The following PPFIA2 variants were observed in gnomAD, a reference collection of about 807,000 sequenced individuals.
PPFIA2 encodes the protein PPFI scaffold protein A2, also known as liprin-alpha-2.
A neutral mutation model predicts 175.5 loss-of-function variants in PPFIA2; 46 were observed. The ratio of observed to expected loss-of-function variants is 0.26; its 90% CI spans 0.21 to 0.34. The LOEUF is 0.34. PPFIA2 is among the 10% of genes least tolerant of loss of function. The pLI, the probability that PPFIA2 is intolerant of heterozygous loss-of-function variation, is 1.00. For synonymous variants in PPFIA2, 568 were observed against 511.4 expected (o/e 1.11, Z -1.49); for missense variants, 1,179 against 1,506.1 (o/e 0.78, Z 3.60).
intron 4 of PPFIA2, among the ~76,000 whole-genome samples, chr12:81,461,226 G>T (rs1267895046): frequency 6.6e-6 from 1 of 151,986 alleles, no homozygotes; most frequent in Non-Finnish European, 1.5e-5. Context: ...CATTTTACAT[G>T]AATAACTCCA....
intron 4 of PPFIA2, among the ~76,000 whole-genome samples, chr12:81,460,958 T>A (rs1470392479): frequency 6.6e-6 from 1 of 152,056 alleles, no homozygotes; most frequent in African/African-American, 2.4e-5. Flanking sequence ...CGATAAGTTG[T>A]TTGTTTCCCC....
chr12:81,598,360 C>G (rs2059470255), intron 4 of PPFIA2: 7 of 1,105,550 alleles, frequency 6.3e-6, no homozygotes, highest in Non-Finnish European at 7.7e-6. Flanking sequence ...GTGGACCTGC[C>G]CATCTGTTCT....
At chr12:81,343,212 G>T (rs1412029677) in intron 19 of PPFIA2, among the ~76,000 whole-genome samples, 1 of 151,786 alleles carries the variant, frequency 6.6e-6, no homozygotes, top group East Asian at 1.9e-4. Flanking sequence ...AGATTTTTTT[G>T]GTTGTGGTCC....
At chr12:81,282,891 C>G (rs1302886107) in intron 26 of PPFIA2, 119 bp downstream of exon 26, 7 of 762,062 alleles carry the variant, frequency 9.2e-6, no homozygotes, top group Non-Finnish European at 1.3e-5. Flanking sequence ...CTATACACAT[C>G]AGCCTAATAT....
At chr12:81,730,755 T>C (rs916456581) in intron 3 of PPFIA2, among the ~76,000 whole-genome samples, 1 of 151,658 alleles carries the variant, frequency 6.6e-6, no homozygotes. Context: ...TTAGGAAATT[T>C]GTAAATAATA....
At chr12:81,605,911 T>A (rs575089244) in intron 4 of PPFIA2, among the ~76,000 whole-genome samples, 2 of 151,970 alleles carry the variant, frequency 1.3e-5, no homozygotes, top group South Asian at 4.1e-4. Context: ...ATAAGTGTAT[T>A]GCACCCAGGT....
chr12:81,341,572 G>A (rs1193090364), intron 19 of PPFIA2, among the ~76,000 whole-genome samples: 3 of 152,002 alleles, frequency 2.0e-5, no homozygotes, highest in South Asian at 2.1e-4. Context: ...ATTTATGCAC[G>A]GACCTTTTTT....
chr12:81,574,505 T>G (rs2073151744), intron 4 of PPFIA2, among the ~76,000 whole-genome samples: 1 of 151,782 alleles, frequency 6.6e-6, no homozygotes, highest in African/African-American at 2.4e-5. Flanking sequence ...TATGCCACTA[T>G]GTTCACCATC....
intron 4 of PPFIA2, among the ~76,000 whole-genome samples, chr12:81,616,979 C>T (rs1302608627): frequency 6.6e-6 from 1 of 152,130 alleles, no homozygotes; most frequent in African/African-American, 2.4e-5. Context: ...AGCATGGGCT[C>T]TAGTGTCAAA....
intron 4 of PPFIA2, among the ~76,000 whole-genome samples, chr12:81,486,781 T>C (rs1593795266): frequency 1.3e-5 from 2 of 151,978 alleles, no homozygotes. Flanking sequence ...AAAATAATAA[T>C]AGATGATAAC....
At chr12:81,449,323 T>C (rs1255641107) in intron 5 of PPFIA2, among the ~76,000 whole-genome samples, 3 of 152,122 alleles carry the variant, frequency 2.0e-5, no homozygotes, top group East Asian at 3.9e-4. Context: ...GCAAGCATAT[T>C]ATATCAAATA....
At chr12:81,599,457 T>G (rs116630531) in intron 4 of PPFIA2, among the ~76,000 whole-genome samples, 3 of 152,000 alleles carry the variant, frequency 2.0e-5, no homozygotes, top group Non-Finnish European at 4.4e-5. Flanking sequence ...ATTATTTAAC[T>G]AGCAAACTGC....
intron 5 of PPFIA2, among the ~76,000 whole-genome samples, chr12:81,451,887 T>C (rs2052651816): frequency 6.6e-6 from 1 of 152,170 alleles, no homozygotes. Flanking sequence ...TTAGCTAAGA[T>C]ACCATTAACA....
intron 7 of PPFIA2, among the ~76,000 whole-genome samples, chr12:81,420,826 T>C (rs545991521): frequency 3.0e-4 from 45 of 150,796 alleles, no homozygotes; most frequent in Admixed American, 8.6e-4. Context: ...AGCTCAAAAG[T>C]TCCCAAATAA....
chr12:81,436,086 T>G (rs568778409), intron 7 of PPFIA2, among the ~76,000 whole-genome samples: 69 of 151,536 alleles, frequency 4.6e-4, no homozygotes, highest in African/African-American at 1.7e-3. Flanking sequence ...AAGACCAGCC[T>G]GGGCAACATG....
At chr12:81,673,154 C>T (rs982256177) in intron 4 of PPFIA2, among the ~76,000 whole-genome samples, 1 of 151,992 alleles carries the variant, frequency 6.6e-6, no homozygotes, top group Non-Finnish European at 1.5e-5. Flanking sequence ...TTAAAAATTA[C>T]ACCTCTCTCC....
chr12:81,755,734 T>G (rs17691700), intron 2 of PPFIA2, among the ~76,000 whole-genome samples: 21,634 of 152,146 alleles, frequency 0.14, 1,789 homozygotes, highest in Middle Eastern at 0.24. Flanking sequence ...AGGAAAGTTT[T>G]AAACGCTTTG....
chr12:81,647,857 TATATA>T (rs199520247), intron 4 of PPFIA2, among the ~76,000 whole-genome samples: 8,084 of 141,206 alleles, frequency 0.057, 354 homozygotes, highest in East Asian at 0.24. Flanking sequence ...ATATATAACA[TATATA>T]ATATAATATA....
chr12:81,464,165 C>T (rs547045786), intron 4 of PPFIA2, among the ~76,000 whole-genome samples: 1 of 152,278 alleles, frequency 6.6e-6, no homozygotes, highest in Admixed American at 6.5e-5. Context: ...AATTCTCCCA[C>T]CTCCACATCA....
Sources: gnomAD v4.1 joint callset for allele counts (sites outside exome capture counted in the v4.1 genomes callset) on GRCh38, gnomAD v4.1.1 for gene constraint, MANE v1.5 for transcripts, NCBI Gene and HGNC (gene_info 2026-07-23, HGNC 2026-07-21) for gene names.